Variants in FCHO2 observed in about 807,000 individuals in gnomAD.
FCHO2 encodes F-BAR domain only protein 2.
Under a neutral mutation model 114.1 loss-of-function variants are expected in FCHO2, and 43 were observed. The observed-to-expected ratio is 0.38, with a 90% CI of 0.30 to 0.49. The LOEUF (loss-of-function observed/expected upper bound fraction) is 0.49. Among genes scored for constraint, FCHO2 ranks in the 20% least tolerant of loss-of-function variants. The pLI, the probability that FCHO2 is intolerant of heterozygous loss-of-function variation, is 0.97. For missense variants in FCHO2, 807 were observed against 950.4 expected (o/e 0.85, Z 1.98); for synonymous variants, 293 against 315.2 (o/e 0.93, Z 0.75).
intron 11 of FCHO2, among the ~76,000 whole-genome samples, chr5:73,044,846 A>C (rs1002763507): frequency 9.9e-5 from 15 of 152,138 alleles, no homozygotes; most frequent in Non-Finnish European, 1.9e-4. Flanking sequence ...TGATGGGTGA[A>C]GTTGCCTGTT....
At chr5:72,958,799 T>C (rs965381589) in intron 1 of FCHO2, among the ~76,000 whole-genome samples, 6 of 152,248 alleles carry the variant, frequency 3.9e-5, no homozygotes, top group Non-Finnish European at 8.8e-5. Context: ...GTAAATGTTA[T>C]GCATATTTTT....
intron 5 of FCHO2, among the ~76,000 whole-genome samples, 195 bp downstream of exon 5, chr5:72,991,059 C>G (rs1265402527): frequency 6.6e-6 from 1 of 152,080 alleles, no homozygotes; most frequent in Non-Finnish European, 1.5e-5. Flanking sequence ...GGTTAGCGAG[C>G]ACTAAAAAAC....
chr5:73,029,690 A>C (rs1393771660), intron 8 of FCHO2, among the ~76,000 whole-genome samples: 1 of 152,194 alleles, frequency 6.6e-6, no homozygotes, highest in African/African-American at 2.4e-5. Flanking sequence ...TTAAAATCAT[A>C]GTGGAAGGCA....
At chr5:73,085,216 G>A (rs1743255335) in intron 24 of FCHO2, among the ~76,000 whole-genome samples, 1 of 152,122 alleles carries the variant, frequency 6.6e-6, no homozygotes, top group Non-Finnish European at 1.5e-5. Context: ...GGATGTAGTG[G>A]CACGTGCCTG....
Position 72,990,904 on chromosome 5 carries a change from A to G in FCHO2, c.495+40A>G, listed in dbSNP as rs375278823. The G allele has an allele frequency of 3.8e-5, 57 of 1,506,466 alleles. No individual in the cohort carries two copies. In the African/African-American group the frequency reaches 7.8e-4, roughly 21 times the overall value. 93.3% of individuals were successfully genotyped at this position (1,506,466 alleles called of 1,614,324 possible). On this transcript the variant is annotated intron_variant, in intron 5 of 25. Coordinates refer to ENST00000430046, the MANE Select transcript of FCHO2 (RefSeq NM_138782.3). ...AATTACATATCTGTGGTTTCAAAGC[A>G]CCTTGACATACAAAATTGCATTTAA... is the stretch of plus-strand genomic sequence containing the variant.
At chr5:73,075,014 T>C (rs1202770154) in intron 20 of FCHO2, among the ~76,000 whole-genome samples, 161 bp downstream of exon 20, 1 of 152,208 alleles carries the variant, frequency 6.6e-6, no homozygotes, top group Non-Finnish European at 1.5e-5. Context: ...AGGTAGTCAT[T>C]TGATGATTGC....
intron 2 of FCHO2, among the ~76,000 whole-genome samples, chr5:72,977,683 A>G (rs925450735): frequency 5.3e-5 from 8 of 152,102 alleles, no homozygotes; most frequent in Admixed American, 4.6e-4. Flanking sequence ...TTAGTCATGA[A>G]GTCTTTGCCT....
intron 11 of FCHO2, among the ~76,000 whole-genome samples, chr5:73,046,750 A>G (rs1457461189): frequency 6.6e-6 from 1 of 152,170 alleles, no homozygotes; most frequent in Admixed American, 6.5e-5. Flanking sequence ...TGTTAAAAAT[A>G]TGGCCTTTGT....
intron 17 of FCHO2, among the ~76,000 whole-genome samples, chr5:73,061,215 A>G (rs1305095510): frequency 6.6e-6 from 1 of 152,090 alleles, no homozygotes; most frequent in Non-Finnish European, 1.5e-5. Flanking sequence ...GACTATAAAT[A>G]GTTACCTTTG....
At chr5:73,049,969 C>T (rs1757265894) in intron 11 of FCHO2, among the ~76,000 whole-genome samples, 1 of 152,096 alleles carries the variant, frequency 6.6e-6, no homozygotes, top group South Asian at 2.1e-4. Context: ...CAGCAGCTTG[C>T]CCCAGCCAAT....
intron 11 of FCHO2, among the ~76,000 whole-genome samples, chr5:73,044,740 T>C (rs1672896611): frequency 6.6e-6 from 1 of 152,114 alleles, no homozygotes; most frequent in African/African-American, 2.4e-5. Flanking sequence ...AAACAGAAAT[T>C]AAGAAACATT....
At chr5:72,995,188 C>T (rs1234262075) in intron 5 of FCHO2, among the ~76,000 whole-genome samples, 1 of 151,832 alleles carries the variant, frequency 6.6e-6, no homozygotes, top group Non-Finnish European at 1.5e-5. Flanking sequence ...AATCATAATA[C>T]ATATAAATGT....
At chr5:73,017,614 T>C (rs966292205) in intron 8 of FCHO2, among the ~76,000 whole-genome samples, 9 of 152,196 alleles carry the variant, frequency 5.9e-5, no homozygotes, top group Non-Finnish European at 1.0e-4. Context: ...TTTTACTAAA[T>C]CTGTCACAGT....
At chr5:72,970,394 T>C (rs1373552333) in intron 2 of FCHO2, among the ~76,000 whole-genome samples, 1 of 152,184 alleles carries the variant, frequency 6.6e-6, no homozygotes, top group African/African-American at 2.4e-5. Flanking sequence ...ACTGGGTATC[T>C]TATAGACAGG....
At chr5:72,973,074 C>A (rs950392489) in intron 2 of FCHO2, among the ~76,000 whole-genome samples, 1 of 152,104 alleles carries the variant, frequency 6.6e-6, no homozygotes, top group African/African-American at 2.4e-5. Context: ...GGTGGATAAG[C>A]TTTTTGATGT....
chr5:73,027,227 G>T (rs1381932630), intron 8 of FCHO2, among the ~76,000 whole-genome samples: 3 of 151,902 alleles, frequency 2.0e-5, no homozygotes, highest in African/African-American at 7.2e-5. Flanking sequence ...CTAAAAGAGA[G>T]TAAAATCCAT....
intron 8 of FCHO2, among the ~76,000 whole-genome samples, chr5:73,026,451 C>T (rs1755921305): frequency 6.6e-6 from 1 of 150,876 alleles, no homozygotes; most frequent in Non-Finnish European, 1.5e-5. Context: ...GCCTGGACGA[C>T]AAGAGCAAGA....
intron 11 of FCHO2, among the ~76,000 whole-genome samples, chr5:73,050,866 A>T (rs1309568668): frequency 1.3e-5 from 2 of 152,178 alleles, no homozygotes; most frequent in Admixed American, 6.6e-5. Context: ...ATGTTGGCAG[A>T]CATTGATGGT....
chr5:72,991,283 C>T (rs1248541891), intron 5 of FCHO2, among the ~76,000 whole-genome samples: 2 of 152,250 alleles, frequency 1.3e-5, no homozygotes, highest in East Asian at 1.9e-4. Context: ...AGGTTGGTCT[C>T]GAACTCCTGA....
Sources: gnomAD v4.1 joint callset for allele counts (sites outside exome capture counted in the v4.1 genomes callset) on GRCh38, gnomAD v4.1.1 for gene constraint, MANE v1.5 for transcripts, NCBI Gene and HGNC (gene_info 2026-07-23, HGNC 2026-07-21) for gene names.